The following GPBP1L1 variants were observed in gnomAD, a reference collection of about 807,000 sequenced individuals.
The protein encoded by GPBP1L1 is vasculin-like protein 1.
A neutral mutation model predicts 52.5 loss-of-function variants in GPBP1L1; 23 were observed. That is an observed-to-expected ratio of 0.44 (90% CI 0.32 to 0.62). The LOEUF is 0.62. Ranked by LOEUF, GPBP1L1 falls within the 20% of genes least tolerant of loss-of-function variation. The pLI is 0.06. For missense variants in GPBP1L1, 596 were observed against 579.3 expected (o/e 1.03, Z -0.30); for synonymous variants, 243 against 203.1 (o/e 1.20, Z -1.67).
chr1:45,630,247 G>A (rs534844207), intron 11 of GPBP1L1, among the ~76,000 whole-genome samples: 11 of 152,280 alleles, frequency 7.2e-5, no homozygotes, highest in South Asian at 6.2e-4. Flanking sequence ...CACTGCGCCC[G>A]GCCTGAAGTT....
intron 8 of GPBP1L1, among the ~76,000 whole-genome samples, chr1:45,639,399 C>G (rs185198347): frequency 1.3e-5 from 2 of 152,126 alleles, no homozygotes; most frequent in East Asian, 3.9e-4. Context: ...CCAAGATAGT[C>G]AAGCTGAGTG....
At position 45,659,191 on chromosome 1, in the gene GPBP1L1, C is replaced by A. The variant is rs1644918364; in HGVS notation, c.-55-49G>T. 3 of 1,088,144 alleles carry A rather than the reference C, an allele frequency of 2.8e-6. No homozygotes were observed. The East Asian group carries it at 7.1e-5, about 26-fold the overall frequency. The allele number at this position is 1,088,144 out of a possible 1,614,324, so 67.4% of individuals were successfully genotyped here. ...ACTTATGTTTACAAGAATCTGATAC[C>A]AATGTGTAAAGGAATCTGTAATTAT... On this transcript the variant is annotated intron_variant, in intron 3 of 12. Coordinates refer to ENST00000355105, the MANE Select transcript of GPBP1L1 (RefSeq NM_021639.5).
chr1:45,630,127 T>C (rs1644511513), intron 11 of GPBP1L1, among the ~76,000 whole-genome samples: 1 of 152,134 alleles, frequency 6.6e-6, no homozygotes, highest in African/African-American at 2.4e-5. Context: ...CTTTTTGTAT[T>C]TTTGGTAGAG....
intron 10 of GPBP1L1, among the ~76,000 whole-genome samples, chr1:45,633,072 T>C (rs1644550376): frequency 6.6e-6 from 1 of 152,186 alleles, no homozygotes; most frequent in African/African-American, 2.4e-5. Context: ...GAATGCAAAA[T>C]GGCACAACCA....
chr1:45,668,550 C>T (rs1645037624), intron 2 of GPBP1L1, among the ~76,000 whole-genome samples: 1 of 152,042 alleles, frequency 6.6e-6, no homozygotes, highest in Admixed American at 6.5e-5. Context: ...GCTAGTTGGG[C>T]TGTTGAGGCA....
At chr1:45,638,589 A>G (rs1420453152) in intron 8 of GPBP1L1, among the ~76,000 whole-genome samples, 1 of 151,950 alleles carries the variant, frequency 6.6e-6, no homozygotes, top group Admixed American at 6.6e-5. Context: ...CTTCTCTTGT[A>G]TATCTAATCT....
chr1:45,653,760 G>A (rs372331724), intron 6 of GPBP1L1, among the ~76,000 whole-genome samples: 12 of 147,766 alleles, frequency 8.1e-5, no homozygotes, highest in Admixed American at 2.0e-4. Context: ...GTGTAATGGC[G>A]CAATCTCAGC....
chr1:45,630,226 C>T (rs1259808603), intron 11 of GPBP1L1, among the ~76,000 whole-genome samples: 1 of 152,172 alleles, frequency 6.6e-6, no homozygotes, highest in Non-Finnish European at 1.5e-5. Context: ...GCTGGGATTA[C>T]AGGCATGAGC....
chr1:45,673,008 G>C (rs1645092584), intron 2 of GPBP1L1, among the ~76,000 whole-genome samples: 1 of 152,216 alleles, frequency 6.6e-6, no homozygotes, highest in African/African-American at 2.4e-5. Context: ...GAGCATGTAG[G>C]CTAAAAGGGG....
chr1:45,633,734 T>TG, intron 9 of GPBP1L1, 87 bp from the exon 10 acceptor site: 2 of 1,332,186 alleles, frequency 1.5e-6, no homozygotes. Context: ...TTCAAGAATC[T>TG]GGTAGCCTAT....
chr1:45,654,319 A>C (rs1644856608), intron 6 of GPBP1L1: 1 of 409,480 alleles, frequency 2.4e-6, no homozygotes, highest in Admixed American at 4.1e-5. Flanking sequence ...ATTTTTCTAA[A>C]TTCCAAAGAC....
intron 2 of GPBP1L1, among the ~76,000 whole-genome samples, chr1:45,667,313 T>C (rs1219760321): frequency 6.6e-6 from 1 of 152,212 alleles, no homozygotes; most frequent in Non-Finnish European, 1.5e-5. Context: ...GCTCCCTCTC[T>C]ACAAACTCCT....
intron 2 of GPBP1L1, among the ~76,000 whole-genome samples, chr1:45,665,928 T>C (rs920634309): frequency 1.3e-5 from 2 of 152,028 alleles, no homozygotes; most frequent in African/African-American, 4.8e-5. Context: ...TGCCACTCTC[T>C]GTTCCTAGAC....
At chr1:45,682,071 C>T (rs986528205) in intron 2 of GPBP1L1, among the ~76,000 whole-genome samples, 1 of 152,072 alleles carries the variant, frequency 6.6e-6, no homozygotes, top group Admixed American at 6.6e-5. Flanking sequence ...GTTTATGAAG[C>T]CCACAATAAA....
Position 45,630,531 on chromosome 1 carries a change from C to T in GPBP1L1, c.1120G>A (p.Val374Ile), listed in dbSNP as rs201388892. ...GAGAGAACCTCCCCTTCTTCCACTACAGGGAGGGCAAGACCATTTTGATGA... is the reference window on the plus strand; with the variant it reads ...GAGAGAACCTCCCCTTCTTCCACTATAGGGAGGGCAAGACCATTTTGATGA... ...GCHQNGLALP[V>I]VEEGEVLSHS... Residue 374 changes from valine to isoleucine, a missense_variant, in exon 11 of 13, where the codon GTA becomes ATA. Transcript: ENST00000355105. 6.2e-7 allele frequency: 1 copy of T among 1,613,910 alleles called. No individual in the cohort carries two copies. The highest frequency in any genetic ancestry group is 8.5e-7 in the Non-Finnish European group (1 of 1,179,784).
chr1:45,655,583 A>AG (rs1211763677), intron 4 of GPBP1L1: 3 of 282,578 alleles, frequency 1.1e-5, no homozygotes, highest in Non-Finnish European at 2.0e-5. Flanking sequence ...AAGGAGGCGG[A>AG]GGGGAAAAAA....
chr1:45,633,553 T>C lies in GPBP1L1; in HGVS notation c.980A>G (p.Lys327Arg). 1.2e-6 allele frequency: 2 copies of C among 1,614,042 alleles called. No homozygotes were observed. Among genetic ancestry groups the C allele is most frequent in the East Asian group, 2.2e-5 (1 of 44,880 alleles). The change falls in exon 10 of 13, where the codon AAA (lysine) becomes AGA (arginine). Residue 327 changes from lysine to arginine, a missense_variant. By Grantham distance (26) the Lys-to-Arg change is conservative (BLOSUM62 2). Transcript: ENST00000355105. ...RTTDRKSEFL[K>R]TLKDDRNGDF... ...TCCATTCCGGTCATCCTTCAGAGTT[T>C]TCAGGAACTCACTCTTCCTGTCGGT...
intron 6 of GPBP1L1, among the ~76,000 whole-genome samples, chr1:45,652,780 C>A (rs940589183): frequency 4.6e-5 from 7 of 151,762 alleles, no homozygotes; most frequent in African/African-American, 7.3e-5. Context: ...GTAGCTGGGG[C>A]TATAGGTGCA....
rs578243657 is a variant in GPBP1L1, at chr1:45,678,952, C to T, written c.-1098+6624G>A. On this transcript the variant is annotated intron_variant, in intron 2 of 12. Transcript: ENST00000355105. Reference sequence around the variant, plus strand: ...TTAGACTACAATCTGGAAAAAAATGCACGGAGTTGTGAACAGTAGTAACTC... The same window carrying T: ...TTAGACTACAATCTGGAAAAAAATGTACGGAGTTGTGAACAGTAGTAACTC... Among the ~76,000 whole-genome samples, 14 of 152,268 alleles carry T rather than the reference C, an allele frequency of 9.2e-5. No individual in the cohort carries two copies. The South Asian group carries it at 2.9e-3, about 32-fold the overall frequency.
Sources: allele counts gnomAD v4.1 joint callset (sites outside exome capture counted in the v4.1 genomes callset), GRCh38; gene constraint gnomAD v4.1.1; transcripts MANE v1.5; gene names NCBI Gene and HGNC (gene_info 2026-07-23, HGNC 2026-07-21).